The following CDS2 variants were observed in gnomAD, a reference collection of about 807,000 sequenced individuals.
CDS2 encodes phosphatidate cytidylyltransferase 2.
CDS2 carries 47 observed loss-of-function variants against 59.0 expected under a neutral mutation model. That is an observed-to-expected ratio of 0.80 (90% confidence interval 0.63 to 1.02). The LOEUF (loss-of-function observed/expected upper bound fraction) is 1.02. Ranked by LOEUF, CDS2 falls within the 50% of genes least tolerant of loss-of-function variation. The probability of loss-of-function intolerance (pLI) is 0.00; values close to 1 mark genes in which losing one functional copy is unlikely to be tolerated. For synonymous variants in CDS2, 207 were observed against 206.4 expected, an observed-to-expected ratio of 1.00 and a Z score of -0.02; for missense variants, 356 against 558.9, an observed-to-expected ratio of 0.64 and a Z score of 3.66.
intron 7 of CDS2, among the ~76,000 whole-genome samples, chr20:5,183,649 A>T (rs569727657): frequency 6.6e-6 from 1 of 152,246 alleles, no homozygotes; most frequent in African/African-American, 2.4e-5. Flanking sequence ...CTTTATACCA[A>T]AGCCAATGAG....
At chr20:5,132,315 C>T (rs112427883) in intron 1 of CDS2, among the ~76,000 whole-genome samples, 1 of 152,230 alleles carries the variant, frequency 6.6e-6, no homozygotes, top group African/African-American at 2.4e-5. Context: ...TCAGGCTGGT[C>T]TCAAACTCCT....
intron 1 of CDS2, among the ~76,000 whole-genome samples, chr20:5,130,994 G>C (rs151065250): frequency 6.6e-6 from 1 of 151,764 alleles, no homozygotes; most frequent in African/African-American, 2.4e-5. Flanking sequence ...GGAAGGCTGA[G>C]AGGCAGGAGA....
chr20:5,191,209 C>T lies in CDS2; in HGVS notation c.*975C>T, dbSNP rs143949213. The T allele has an allele frequency of 1.4e-4, 22 of 152,702 alleles. No individual in the cohort carries two copies. Among genetic ancestry groups the T allele is most frequent in the African/African-American group, 3.1e-4 (13 of 41,568 alleles). 9.5% of individuals were successfully genotyped at this position (152,702 alleles called of 1,614,324 possible). ...GTGTCTGTGTTTGTTTTAAAAGTCA[C>T]TTATTTCTTACAGTGATTTCAATTG... On this transcript the variant is annotated 3_prime_UTR_variant, in exon 13 of 13. Transcript: ENST00000460006.
At chr20:5,138,150 C>T (rs2090663749) in intron 1 of CDS2, among the ~76,000 whole-genome samples, 2 of 147,624 alleles carry the variant, frequency 1.4e-5, no homozygotes, top group Non-Finnish European at 1.5e-5. Flanking sequence ...CAGGATCATG[C>T]TGTGTTGCTC....
chr20:5,188,404 T>A (rs753880679), intron 10 of CDS2, among the ~76,000 whole-genome samples: 2 of 152,242 alleles, frequency 1.3e-5, no homozygotes, highest in Non-Finnish European at 2.9e-5. Context: ...TCTTTTCAAC[T>A]ATGTATCTGC....
intron 5 of CDS2, among the ~76,000 whole-genome samples, chr20:5,180,963 C>T (rs192682294): frequency 2.8e-4 from 42 of 152,108 alleles, no homozygotes; most frequent in African/African-American, 9.4e-4. Flanking sequence ...ATTCACAGCT[C>T]GGACACAAAG....
chr20:5,159,464 C>T (rs943898248), intron 1 of CDS2, among the ~76,000 whole-genome samples: 2 of 151,646 alleles, frequency 1.3e-5, no homozygotes, highest in African/African-American at 4.9e-5. Flanking sequence ...TTTTATAGTT[C>T]AGTAATTTAA....
In CDS2 at chr20:5,182,484, T is replaced by C. The variant is rs375173237; in HGVS notation, c.588+39T>C. On this transcript the variant is annotated intron_variant, in intron 6 of 12. Coordinates refer to ENST00000460006, the MANE Select transcript of CDS2 (RefSeq NM_003818.4). Reference sequence around the variant, plus strand: ...ATGCGTGTGTGTCAGAATTCTTGATTTAAATGAAGTTTTTCAGGAACTCAA... The same window carrying C: ...ATGCGTGTGTGTCAGAATTCTTGATCTAAATGAAGTTTTTCAGGAACTCAA... 7.7e-6 allele frequency: 12 copies of C among 1,567,536 alleles called. No homozygotes were observed. In the African/African-American group the frequency reaches 1.5e-4, roughly 20 times the overall value.
intron 1 of CDS2, among the ~76,000 whole-genome samples, chr20:5,135,746 T>C (rs1422120272): frequency 6.6e-6 from 1 of 152,206 alleles, no homozygotes; most frequent in Non-Finnish European, 1.5e-5. Context: ...GACTGACCTT[T>C]TGAAGAAAGT....
chr20:5,160,063 T>C (rs904076884), intron 1 of CDS2, among the ~76,000 whole-genome samples: 6 of 130,894 alleles, frequency 4.6e-5, no homozygotes, highest in Non-Finnish European at 8.7e-5. Flanking sequence ...CATATGCCGA[T>C]GATGATGAAG....
At chr20:5,176,562 G>C (rs2090996808) in intron 3 of CDS2, 86 bp from the exon 4 acceptor site, 2 of 1,031,954 alleles carry the variant, frequency 1.9e-6, no homozygotes, top group Non-Finnish European at 3.1e-6. Flanking sequence ...AGTATAATGG[G>C]TTTTCTGGAA....
At chr20:5,136,580 G>T (rs1413260162) in intron 1 of CDS2, among the ~76,000 whole-genome samples, 2 of 152,004 alleles carry the variant, frequency 1.3e-5, no homozygotes, top group Admixed American at 6.6e-5. Context: ...AGGATTTATT[G>T]CTTGCCTTAT....
intron 1 of CDS2, among the ~76,000 whole-genome samples, chr20:5,153,240 CTA>C (rs2122998283): frequency 6.6e-6 from 1 of 152,310 alleles, no homozygotes; most frequent in African/African-American, 2.4e-5. Context: ...CTGTTTGAGT[CTA>C]TCTTATACTT....
Position 5,159,704 on chromosome 20 carries a change from C to T in CDS2, c.58-13819C>T, listed in dbSNP as rs1255498134. Among the ~76,000 whole-genome samples, 3 of 152,266 alleles carry T rather than the reference C, an allele frequency of 2.0e-5. No homozygotes were observed. In the East Asian group the frequency reaches 5.8e-4, roughly 29 times the overall value. ...AAAATTGTATTTGTTACATTATTCA[C>T]AAACCTTTTCTACAAAATATATACC... is the stretch of plus-strand genomic sequence containing the variant. On this transcript the variant is annotated intron_variant, in intron 1 of 12. Coordinates refer to ENST00000460006, the MANE Select transcript of CDS2 (RefSeq NM_003818.4).
At chr20:5,165,363 G>C (rs1227172602) in intron 1 of CDS2, among the ~76,000 whole-genome samples, 1 of 152,144 alleles carries the variant, frequency 6.6e-6, no homozygotes, top group Non-Finnish European at 1.5e-5. Context: ...ATGTAGCCCA[G>C]CTACACCTGC....
At position 5,189,651 on chromosome 20, in the gene CDS2, GCCT is replaced by G. The variant is rs528999230; in HGVS notation, c.1102-83_1102-81del. On this transcript the variant is annotated intron_variant, in intron 11 of 12. Coordinates refer to ENST00000460006, the MANE Select transcript of CDS2 (RefSeq NM_003818.4). ...TTGCCCTCAGCTACTCAGCACAGAA[GCCT>G]GACATTGGGGTGGGACCATTAGGCT... 1,547 of 950,054 alleles carry G rather than the reference GCCT, an allele frequency of 1.6e-3. 18 individuals carry two copies. The African/African-American group carries it at 0.023, about 14-fold the overall frequency. 58.9% of individuals were successfully genotyped at this position (950,054 alleles called of 1,614,324 possible).
chr20:5,127,018 G>A lies in CDS2; in HGVS notation c.-75G>A. On this transcript the variant is annotated 5_prime_UTR_variant, in exon 1 of 13. Coordinates refer to ENST00000460006, the MANE Select transcript of CDS2 (RefSeq NM_003818.4). ...GGCGGGGCCGGCCGTGGGAGTCCGC[G>A]CGTGCCCGCGCCGAGCTGCCTGCTC... The A allele has an allele frequency of 2.2e-6, 3 of 1,389,584 alleles. No homozygotes were observed. Among genetic ancestry groups the A allele is most frequent in the Non-Finnish European group, 1.9e-6 (2 of 1,049,754 alleles). The allele number at this position is 1,389,584 out of a possible 1,614,324, so 86.1% of individuals were successfully genotyped here. A position where few individuals can be genotyped will look rare whatever the true frequency, so the allele number is the denominator to read the frequency against.
At chr20:5,173,339 C>T (rs1368492789) in intron 1 of CDS2, among the ~76,000 whole-genome samples, 184 bp from the exon 2 acceptor site, 1 of 152,236 alleles carries the variant, frequency 6.6e-6, no homozygotes, top group African/African-American at 2.4e-5. Context: ...GGCTGGCCAC[C>T]TTGGCACATG....
chr20:5,134,672 C>T (rs1438892327), intron 1 of CDS2, among the ~76,000 whole-genome samples: 2 of 152,122 alleles, frequency 1.3e-5, no homozygotes, highest in Non-Finnish European at 2.9e-5. Context: ...AGGCGCCCAC[C>T]ATCACACCCA....
Sources: allele counts gnomAD v4.1 joint callset (sites outside exome capture counted in the v4.1 genomes callset), GRCh38; gene constraint gnomAD v4.1.1; transcripts MANE v1.5; gene names NCBI Gene and HGNC (gene_info 2026-07-23, HGNC 2026-07-21).